VAV3: variants seen among roughly 807,000 people sequenced by gnomAD.
VAV3 encodes the protein guanine nucleotide exchange factor VAV3.
VAV3 carries 94 observed loss-of-function variants against 131.2 expected under a neutral mutation model. That is an observed-to-expected ratio of 0.72 (90% CI 0.61 to 0.85). The LOEUF is 0.85. Ranked by LOEUF, VAV3 falls within the 40% of genes least tolerant of loss-of-function variation. VAV3 has a pLI of 0.00. For synonymous variants in VAV3, 349 were observed against 342.0 expected (o/e 1.02, Z -0.22); for missense variants, 939 against 1,002.7 (o/e 0.94, Z 0.86).
chr1:107,718,725 C>G (rs1402469113), intron 15 of VAV3, among the ~76,000 whole-genome samples: 1 of 152,044 alleles, frequency 6.6e-6, no homozygotes, highest in Non-Finnish European at 1.5e-5. Flanking sequence ...TCATATGGAA[C>G]CAAAAAAGAG....
At chr1:107,586,044 A>T (rs1650461264) in intron 25 of VAV3, among the ~76,000 whole-genome samples, 1 of 152,124 alleles carries the variant, frequency 6.6e-6, no homozygotes, top group Non-Finnish European at 1.5e-5. Context: ...AAAGAGGGAA[A>T]ATGAGACTAT....
intron 22 of VAV3, chr1:107,609,440 T>C (rs1026394778): frequency 6.6e-6 from 1 of 152,200 alleles, no homozygotes; most frequent in African/African-American, 2.4e-5. Context: ...TCCCAGCACT[T>C]TGGAGGATCA....
At chr1:107,957,271 C>G (rs1271867023) in intron 1 of VAV3, among the ~76,000 whole-genome samples, 1 of 152,140 alleles carries the variant, frequency 6.6e-6, no homozygotes, top group Non-Finnish European at 1.5e-5. Context: ...ATAATTATCA[C>G]TTTAATCTTT....
rs140805288 is a variant in VAV3 at position 107,662,544 on chromosome 1, T to C, written c.1778-19789A>G. Among the ~76,000 whole-genome samples, 433 of 152,296 alleles carry C rather than the reference T, an allele frequency of 2.8e-3. 7 individuals carry two copies. Among genetic ancestry groups the C allele is most frequent in the Admixed American group, 0.018 (275 of 15,288 alleles). On this transcript the variant is annotated intron_variant, in intron 19 of 26. Coordinates refer to ENST00000370056, the MANE Select transcript of VAV3 (RefSeq NM_006113.5). ...ATGATCAATGTTTTTAGAGGCCCAA[T>C]AGTTATCTTTTCTATTTCATTAAAA...
intron 15 of VAV3, among the ~76,000 whole-genome samples, chr1:107,728,823 T>A (rs1450191552): frequency 1.3e-5 from 2 of 152,120 alleles, no homozygotes; most frequent in African/African-American, 2.4e-5. Context: ...AGGGCGCAAC[T>A]ATAGAATTAT....
intron 19 of VAV3, among the ~76,000 whole-genome samples, chr1:107,675,281 T>C (rs1355548520): frequency 1.3e-5 from 2 of 152,222 alleles, no homozygotes; most frequent in Admixed American, 6.5e-5. Flanking sequence ...GCACTTAGTA[T>C]GTGCTAAACT....
At chr1:107,717,582 A>T (rs1006102728) in intron 15 of VAV3, among the ~76,000 whole-genome samples, 4 of 152,134 alleles carry the variant, frequency 2.6e-5, no homozygotes, top group Non-Finnish European at 4.4e-5. Flanking sequence ...TTCTAATTTG[A>T]TTGCACTGTG....
intron 2 of VAV3, among the ~76,000 whole-genome samples, chr1:107,807,117 G>A (rs1218053518): frequency 1.3e-5 from 2 of 152,186 alleles, no homozygotes; most frequent in Non-Finnish European, 2.9e-5. Flanking sequence ...AAGGACGACT[G>A]TACATTAAAG....
At chr1:107,945,453 T>C (rs1229968667) in intron 1 of VAV3, among the ~76,000 whole-genome samples, 4 of 152,230 alleles carry the variant, frequency 2.6e-5, no homozygotes, top group African/African-American at 9.6e-5. Flanking sequence ...GTGCTGGTCA[T>C]TGTGCTGATC....
At chr1:107,909,257 A>G (rs1270487825) in intron 1 of VAV3, among the ~76,000 whole-genome samples, 3 of 152,214 alleles carry the variant, frequency 2.0e-5, no homozygotes, top group Non-Finnish European at 4.4e-5. Flanking sequence ...TCACACATAG[A>G]AAACTATTCT....
chr1:107,836,852 T>C (rs1412114092), intron 2 of VAV3, among the ~76,000 whole-genome samples: 1 of 151,970 alleles, frequency 6.6e-6, no homozygotes, highest in African/African-American at 2.4e-5. Flanking sequence ...ACCTCCAAGA[T>C]TGAACCAGAA....
chr1:107,869,938 C>T (rs1447459747), intron 2 of VAV3, among the ~76,000 whole-genome samples: 1 of 152,190 alleles, frequency 6.6e-6, no homozygotes, highest in East Asian at 1.9e-4. Flanking sequence ...GAATAATAGT[C>T]TCCAGTTCCA....
At chr1:107,686,608 C>T (rs1026067695) in intron 18 of VAV3, among the ~76,000 whole-genome samples, 2 of 151,908 alleles carry the variant, frequency 1.3e-5, no homozygotes, top group African/African-American at 4.8e-5. Context: ...TGACTAGCCT[C>T]AGAGCTTACT....
Position 107,760,877 on chromosome 1 carries a change from T to C in VAV3, c.924A>G (p.Glu308=), listed in dbSNP as rs1373357866. 2 of 1,612,372 alleles carry C rather than the reference T, an allele frequency of 1.2e-6. No homozygotes were observed. The highest frequency in any genetic ancestry group is 2.2e-5 in the East Asian group (1 of 44,800). Reference sequence around the variant, plus strand: ...TCCCATTATTTGCTCTTTTGGAACATTCCTAATGAAATGTTTTAAAAACAC... The same window carrying C: ...TCCCATTATTTGCTCTTTTGGAACACTCCTAATGAAATGTTTTAAAAACAC... ...TKEDVKLKLE[E]CSKRANNGKF... Residue 308 remains glutamate, a splice_region_variant and synonymous_variant, in exon 10 of 27, where the codon GAA becomes GAG. Coordinates refer to ENST00000370056, the MANE Select transcript of VAV3 (RefSeq NM_006113.5).
rs747752252 is a variant in VAV3, at chr1:107,609,884, A to C, written c.2015+47T>G. 22 of 1,579,398 alleles carry C rather than the reference A, an allele frequency of 1.4e-5. No individual in the cohort carries two copies. The East Asian group carries it at 4.7e-4, about 34-fold the overall frequency. ...CCACATTTAAGGCATCCTGGAGCTA[A>C]GGGTATGGTATTTCAACCTAGCTAC... On this transcript the variant is annotated intron_variant, in intron 22 of 26. Transcript: ENST00000370056.
chr1:107,917,528 A>C (rs751857885), intron 1 of VAV3, among the ~76,000 whole-genome samples: 2 of 152,222 alleles, frequency 1.3e-5, no homozygotes, highest in Non-Finnish European at 2.9e-5. Flanking sequence ...TTAAAAAAAT[A>C]CTAGACATTT....
chr1:107,757,898 C>A (rs982088489), intron 10 of VAV3, among the ~76,000 whole-genome samples: 7 of 152,152 alleles, frequency 4.6e-5, no homozygotes, highest in African/African-American at 1.7e-4. Context: ...TCTATCACAA[C>A]CACTGTCATA....
intron 18 of VAV3, 72 bp downstream of exon 18, chr1:107,688,309 C>A: frequency 6.5e-7 from 1 of 1,548,548 alleles, no homozygotes; most frequent in South Asian, 1.2e-5. Context: ...GTGTAAAAGC[C>A]CAAGCCTGGT....
intron 15 of VAV3, among the ~76,000 whole-genome samples, chr1:107,738,205 G>T (rs1662788676): frequency 6.6e-6 from 1 of 152,154 alleles, no homozygotes; most frequent in African/African-American, 2.4e-5. Context: ...GGGCCCATCT[G>T]GGGTGAGGGA....
Sources: gnomAD v4.1 joint callset for allele counts (sites outside exome capture counted in the v4.1 genomes callset) on GRCh38, gnomAD v4.1.1 for gene constraint, MANE v1.5 for transcripts, NCBI Gene and HGNC (gene_info 2026-07-23, HGNC 2026-07-21) for gene names.